RNGTT: variants seen among roughly 807,000 people sequenced by gnomAD.
RNGTT encodes the protein RNA guanylyltransferase and 5'-phosphatase.
Under a neutral mutation model 79.3 loss-of-function variants are expected in RNGTT, and 33 were observed. The ratio of observed to expected loss-of-function variants is 0.42; its 90% CI spans 0.32 to 0.56. RNGTT has a LOEUF of 0.56. RNGTT is among the 20% of genes least tolerant of loss of function. The pLI is 0.17. For synonymous variants in RNGTT, 222 were observed against 235.9 expected (o/e 0.94, Z 0.54); for missense variants, 497 against 739.1 (o/e 0.67, Z 3.80).
intron 14 of RNGTT, among the ~76,000 whole-genome samples, chr6:88,623,579 T>C (rs1582245137): frequency 6.6e-6 from 1 of 151,820 alleles, no homozygotes; most frequent in East Asian, 1.9e-4. Flanking sequence ...CTTCTCTTAC[T>C]GTCATCATCA....
At chr6:88,870,528 A>G (rs1050332059) in intron 8 of RNGTT, among the ~76,000 whole-genome samples, 2 of 151,628 alleles carry the variant, frequency 1.3e-5, no homozygotes, top group East Asian at 3.9e-4. Flanking sequence ...AAAAAAAAAA[A>G]TCCAAATGGG....
intron 11 of RNGTT, among the ~76,000 whole-genome samples, chr6:88,815,630 C>T (rs892083925): frequency 1.3e-5 from 2 of 152,194 alleles, no homozygotes; most frequent in Non-Finnish European, 2.9e-5. Flanking sequence ...CTCAAAGTCA[C>T]ACCCATCAGC....
intron 11 of RNGTT, among the ~76,000 whole-genome samples, chr6:88,825,566 G>A (rs1192712367): frequency 2.0e-5 from 3 of 152,168 alleles, no homozygotes; most frequent in Non-Finnish European, 4.4e-5. Flanking sequence ...TTCCAAATCA[G>A]TGTGTATATG....
chr6:88,888,489 G>A (rs924826068), intron 8 of RNGTT, among the ~76,000 whole-genome samples: 26 of 152,088 alleles, frequency 1.7e-4, no homozygotes, highest in African/African-American at 4.8e-4. Flanking sequence ...CATATCCACA[G>A]GGAAGGGTGC....
chr6:88,745,781 A>G (rs951894082), intron 13 of RNGTT, among the ~76,000 whole-genome samples: 5 of 151,890 alleles, frequency 3.3e-5, no homozygotes, highest in African/African-American at 9.7e-5. Context: ...AAAGCAGAAG[A>G]AAAAAAGGCT....
At chr6:88,932,390 C>T (rs1427653014) in intron 2 of RNGTT, among the ~76,000 whole-genome samples, 2 of 152,146 alleles carry the variant, frequency 1.3e-5, no homozygotes, top group African/African-American at 4.8e-5. Context: ...TGTGATCTCA[C>T]CCTGACCTTC....
chr6:88,802,743 G>A (rs963328283), intron 11 of RNGTT, among the ~76,000 whole-genome samples: 4 of 152,160 alleles, frequency 2.6e-5, no homozygotes, highest in African/African-American at 9.7e-5. Flanking sequence ...AGCAAAGGGG[G>A]AAGCCCCTTA....
At chr6:88,640,855 T>C (rs537015442) in intron 14 of RNGTT, among the ~76,000 whole-genome samples, 1 of 152,282 alleles carries the variant, frequency 6.6e-6, no homozygotes, top group Admixed American at 6.5e-5. Flanking sequence ...AAATAAAAAT[T>C]TGGATAAGGT....
At chr6:88,655,618 C>T (rs1236272925) in intron 14 of RNGTT, among the ~76,000 whole-genome samples, 2 of 152,058 alleles carry the variant, frequency 1.3e-5, no homozygotes, top group African/African-American at 4.8e-5. Context: ...AAAAAAAAAT[C>T]CCATATAATG....
intron 11 of RNGTT, among the ~76,000 whole-genome samples, chr6:88,813,489 A>T (rs1410933321): frequency 6.6e-6 from 1 of 152,204 alleles, no homozygotes; most frequent in Non-Finnish European, 1.5e-5. Context: ...TGCAATAAAA[A>T]GCTTTTATTT....
chr6:88,689,352 C>T (rs1019271448), intron 13 of RNGTT, among the ~76,000 whole-genome samples: 1 of 152,110 alleles, frequency 6.6e-6, no homozygotes, highest in African/African-American at 2.4e-5. Context: ...ATAATCCCAG[C>T]ACTTTGGGAG....
At chr6:88,826,471 G>T (rs925129397) in intron 11 of RNGTT, among the ~76,000 whole-genome samples, 1 of 151,818 alleles carries the variant, frequency 6.6e-6, no homozygotes. Context: ...CTTTTAGTAA[G>T]ACTGGCTCTG....
chr6:88,669,009 A>C, intron 14 of RNGTT, among the ~76,000 whole-genome samples: 1 of 152,230 alleles, frequency 6.6e-6, no homozygotes, highest in East Asian at 1.9e-4. Flanking sequence ...GCCTACAAAA[A>C]GGAAAAAGTA....
intron 7 of RNGTT, 42 bp from the exon 8 acceptor site, chr6:88,890,638 T>C: frequency 7.8e-7 from 1 of 1,286,848 alleles, no homozygotes; most frequent in Non-Finnish European, 1.1e-6. Context: ...CTGGTATCCA[T>C]ACAAAGCAAT....
At chr6:88,669,857 G>C (rs1490952775) in intron 14 of RNGTT, among the ~76,000 whole-genome samples, 1 of 152,194 alleles carries the variant, frequency 6.6e-6, no homozygotes, top group African/African-American at 2.4e-5. Flanking sequence ...AAGATGATGA[G>C]TGGTCCCGTG....
At chr6:88,701,365 TGAG>T (rs1312298275) in intron 13 of RNGTT, among the ~76,000 whole-genome samples, 2 of 152,066 alleles carry the variant, frequency 1.3e-5, no homozygotes, top group Admixed American at 6.6e-5. Context: ...TTAAGTTTCC[TGAG>T]TAGTTAGATT....
chr6:88,951,550 A>G (rs1039770091), intron 1 of RNGTT, among the ~76,000 whole-genome samples: 2 of 152,208 alleles, frequency 1.3e-5, no homozygotes, highest in South Asian at 2.1e-4. Context: ...GAAGCCAGAC[A>G]GTGCTGTAAA....
At chr6:88,937,569 CTTTA>C (rs1252506174) in intron 2 of RNGTT, among the ~76,000 whole-genome samples, 1 of 150,902 alleles carries the variant, frequency 6.6e-6, no homozygotes, top group Non-Finnish European at 1.5e-5. Flanking sequence ...CTGCTCTGAT[CTTTA>C]TTATTTCTTT....
At chr6:88,830,272 C>T (rs952732992) in intron 11 of RNGTT, among the ~76,000 whole-genome samples, 5 of 152,116 alleles carry the variant, frequency 3.3e-5, no homozygotes, top group African/African-American at 1.2e-4. Context: ...AACTGAACAA[C>T]CTGCTCCTGA....
Sources: allele counts gnomAD v4.1 joint callset (sites outside exome capture counted in the v4.1 genomes callset), GRCh38; gene constraint gnomAD v4.1.1; transcripts MANE v1.5; gene names NCBI Gene and HGNC (gene_info 2026-07-23, HGNC 2026-07-21).